C10orf71: variants seen among roughly 807,000 people sequenced by gnomAD.
The protein encoded by C10orf71 is chromosome 10 open reading frame 71, also known as cardiac-enriched FHL2-interacting protein.
For missense variants in C10orf71, 1,869 were observed against 1,804.5 expected (o/e 1.04, Z -0.65); for synonymous variants, 758 against 726.3 (o/e 1.04, Z -0.70).
intron 1 of C10orf71, among the ~76,000 whole-genome samples, chr10:49,315,440 T>C (rs752490813): frequency 2.6e-5 from 4 of 152,204 alleles, no homozygotes; most frequent in Non-Finnish European, 4.4e-5. Context: ...AATCTAACAC[T>C]GTGCTGCCAC....
At chr10:49,308,266 G>A (rs1313728789) in intron 1 of C10orf71, among the ~76,000 whole-genome samples, 1 of 152,240 alleles carries the variant, frequency 6.6e-6, no homozygotes, top group African/African-American at 2.4e-5. Context: ...ATGTAATGTG[G>A]TTGTAGAAGA....
intron 2 of C10orf71, 27 bp from the exon 3 acceptor site, chr10:49,322,375 C>A: frequency 1.4e-6 from 1 of 693,554 alleles, no homozygotes; most frequent in Non-Finnish European, 2.3e-6. Context: ...ATACTTTGTT[C>A]ACGCCCTGCA....
Position 49,325,784 on chromosome 10 carries a change from C to T in C10orf71, c.3239C>T (p.Ser1080Phe), listed in dbSNP as rs1849224703. The stretch of plus-strand genomic sequence containing the variant: ...GCCAGCAACATTTGGGAGGAGTCTT[C>T]CCAGGCCCCTGGAGGACCAGAGCTG... ...PAASNIWEES[S>F]QAPGGPELLP... Residue 1080 changes from serine to phenylalanine, a missense_variant, in exon 3 of 3, where the codon TCC becomes TTC. Transcript: ENST00000374144. 1 of 1,551,486 alleles carries T rather than the reference C, an allele frequency of 6.4e-7. No homozygotes were observed. Among genetic ancestry groups the T allele is most frequent in the Non-Finnish European group, 8.7e-7 (1 of 1,146,910 alleles).
Position 49,326,917 on chromosome 10 carries a change from AACAAGCAACACACACAC to A in C10orf71, c.*68_*84del. 1 of 1,474,136 alleles carries A rather than the reference AACAAGCAACACACACAC, an allele frequency of 6.8e-7. No homozygotes were observed. Among genetic ancestry groups the A allele is most frequent in the Admixed American group, 2.1e-5 (1 of 46,598 alleles). The allele number at this position is 1,474,136 out of a possible 1,614,324, so 91.3% of individuals were successfully genotyped here. A position where few individuals can be genotyped will look rare whatever the true frequency, so the allele number is the denominator to read the frequency against. On this transcript the variant is annotated 3_prime_UTR_variant, in exon 3 of 3. Coordinates refer to ENST00000374144, the MANE Select transcript of C10orf71 (RefSeq NM_001135196.2). ...AGGAGCTTACTTCCCCCTCCCCCAA[AACAAGCAACACACACAC>A]ACACACACACACACACACACACACA...
intron 1 of C10orf71, among the ~76,000 whole-genome samples, chr10:49,311,755 G>A (rs1848918158): frequency 6.6e-6 from 1 of 152,206 alleles, no homozygotes; most frequent in South Asian, 2.1e-4. Flanking sequence ...ATTACTTGAG[G>A]GATCTAGTCC....
rs190404462 is a variant in C10orf71, at chr10:49,303,961, A to G, written c.-248+4728A>G. 8.5e-5 allele frequency among the ~76,000 whole-genome samples: 13 copies of G among 152,322 alleles called. No individual in the cohort carries two copies. The East Asian group carries it at 2.5e-3, about 29-fold the overall frequency. The stretch of plus-strand genomic sequence containing the variant: ...CCTCCAGCAGAGACAGGAGAAGGCC[A>G]GGCACAGCTTCAGACCTATGTGGGA... On this transcript the variant is annotated intron_variant, in intron 1 of 2. Transcript: ENST00000374144.
At position 49,324,831 on chromosome 10, in the gene C10orf71, A is replaced by G; in HGVS notation, c.2286A>G (p.Ala762=). ...QREDRRKDVS[A]GDSQKDEKEN... ...AAGACAGGAGGAAGGATGTGAGTGC[A>G]GGTGACAGTCAGAAGGATGAGAAGG... Residue 762 remains alanine, a synonymous_variant, in exon 3 of 3, where the codon GCA becomes GCG. Coordinates refer to ENST00000374144, the MANE Select transcript of C10orf71 (RefSeq NM_001135196.2). 2 of 1,552,024 alleles carry G rather than the reference A, an allele frequency of 1.3e-6. No individual in the cohort carries two copies. The highest frequency in any genetic ancestry group is 3.3e-4 in the Middle Eastern group (2 of 5,994).
At chr10:49,319,738 A>ACG (rs1849063320) in intron 2 of C10orf71, among the ~76,000 whole-genome samples, 2 of 99,570 alleles carry the variant, frequency 2.0e-5, no homozygotes, top group African/African-American at 7.5e-5. Flanking sequence ...ATATATACAC[A>ACG]TACATATATG....
At chr10:49,314,864 A>T (rs1240419071) in intron 1 of C10orf71, among the ~76,000 whole-genome samples, 1 of 152,184 alleles carries the variant, frequency 6.6e-6, no homozygotes, top group Non-Finnish European at 1.5e-5. Context: ...CCAGGAAAAA[A>T]ATCAGAATAA....
At chr10:49,307,661 G>T (rs568588033) in intron 1 of C10orf71, among the ~76,000 whole-genome samples, 2 of 152,186 alleles carry the variant, frequency 1.3e-5, no homozygotes, top group Non-Finnish European at 2.9e-5. Flanking sequence ...ACTCTGCCTG[G>T]GATATCAGGG....
Position 49,322,482 on chromosome 10 carries a change from C to T in C10orf71, c.-64C>T. ...TTTGGGGAAGAGGGAAACACCTAAC[C>T]TTGACAGAATCATCACCAGAGACAC... On this transcript the variant is annotated 5_prime_UTR_variant, in exon 3 of 3. Coordinates refer to ENST00000374144, the MANE Select transcript of C10orf71 (RefSeq NM_001135196.2). 6.7e-7 allele frequency: 1 copy of T among 1,492,804 alleles called. No individual in the cohort carries two copies. Among genetic ancestry groups the T allele is most frequent in the Non-Finnish European group, 9.0e-7 (1 of 1,117,000 alleles). The allele number at this position is 1,492,804 out of a possible 1,614,324, so 92.5% of individuals were successfully genotyped here.
intron 2 of C10orf71, among the ~76,000 whole-genome samples, chr10:49,320,506 G>T (rs1354951534): frequency 6.6e-6 from 1 of 152,210 alleles, no homozygotes; most frequent in East Asian, 1.9e-4. Context: ...GCCTGGCACT[G>T]ACAGTCTAAT....
chr10:49,326,756 C>G lies in C10orf71; in HGVS notation c.4211C>G (p.Pro1404Arg). 1 of 1,551,330 alleles carries G rather than the reference C, an allele frequency of 6.4e-7. No individual in the cohort carries two copies. Among genetic ancestry groups the G allele is most frequent in the Non-Finnish European group, 8.7e-7 (1 of 1,147,004 alleles). Residue 1404 changes from proline to arginine, a missense_variant, in exon 3 of 3, where the codon CCT becomes CGT. Physicochemically the swap from Pro to Arg is moderately radical, Grantham distance 103. Transcript: ENST00000374144. Reference sequence around the variant, plus strand: ...TCTGCAGGCCAGCGCCCTCATGGTCCTCCCCAGAGCCCAGGAGAGGAGGGT... The same window carrying G: ...TCTGCAGGCCAGCGCCCTCATGGTCGTCCCCAGAGCCCAGGAGAGGAGGGT... ...PHSAGQRPHG[P>R]PQSPGEEGVE... is the part of the protein sequence containing the mutation.
Position 49,323,676 on chromosome 10 carries a change from C to T in C10orf71, c.1131C>T (p.Ala377=), listed in dbSNP as rs372639784. 118 of 1,613,410 alleles carry T rather than the reference C, an allele frequency of 7.3e-5. 2 individuals carry two copies. In the South Asian group the frequency reaches 1.2e-3, roughly 17 times the overall value. The change falls in exon 3 of 3, where the codon GCC becomes GCT. Residue 377 remains alanine, a synonymous_variant. Coordinates refer to ENST00000374144, the MANE Select transcript of C10orf71 (RefSeq NM_001135196.2). ...AACCTGATTCTCAAGAGAAGCCAGC[C>T]CAGCCCCCATGGAGGAAGCCAAAGA... ...SSQPDSQEKP[A]QPPWRKPKTG... is the part of the protein sequence containing the mutation.
chr10:49,307,468 G>A (rs1315645076), intron 1 of C10orf71, among the ~76,000 whole-genome samples: 2 of 152,242 alleles, frequency 1.3e-5, no homozygotes, highest in Non-Finnish European at 2.9e-5. Context: ...CCTCCATAAT[G>A]CTCCACCTCC....
In C10orf71 at chr10:49,326,165, G is replaced by GAA; in HGVS notation, c.3622_3623dup (p.Pro1209SerfsTer87). On this transcript the variant is annotated frameshift_variant, in exon 3 of 3. Transcript: ENST00000374144. LOFTEE classifies it low-confidence loss of function (END_TRUNC). ...GAGAAGCATGGCGAGTCACAGGAGGGAAAGCCCTGCCCGGAGGACTTGGAG... is the reference window on the plus strand; with the variant it reads ...GAGAAGCATGGCGAGTCACAGGAGGGAAAAAGCCCTGCCCGGAGGACTTGGAG... The GAA allele has an allele frequency of 1.3e-6, 2 of 1,551,648 alleles. No homozygotes were observed. Among genetic ancestry groups the GAA allele is most frequent in the Non-Finnish European group, 1.7e-6 (2 of 1,146,984 alleles).
At chr10:49,305,399 G>A (rs570837028) in intron 1 of C10orf71, among the ~76,000 whole-genome samples, 2 of 152,248 alleles carry the variant, frequency 1.3e-5, no homozygotes, top group East Asian at 1.9e-4. Context: ...CGCTACACAC[G>A]TTTCTCCTCT....
At chr10:49,308,511 C>G (rs375335983) in intron 1 of C10orf71, among the ~76,000 whole-genome samples, 4 of 152,178 alleles carry the variant, frequency 2.6e-5, no homozygotes, top group African/African-American at 9.7e-5. Flanking sequence ...GCCAAAATGG[C>G]CAGACTGGAT....
rs376654745 is a variant in C10orf71 at position 49,326,308 on chromosome 10, G to C, written c.3763G>C (p.Gly1255Arg). ...HSVSGFSEPV[G>R]RRPGGPQSLT... ...CGTGTCCGGCTTCTCGGAGCCTGTC[G>C]GGAGGCGGCCCGGGGGCCCCCAGTC... The change falls in exon 3 of 3, where the codon GGG (glycine) becomes CGG (arginine). Residue 1255 changes from glycine to arginine, a missense_variant. Transcript: ENST00000374144. The C allele has an allele frequency of 3.9e-4, 598 of 1,549,638 alleles. 12 individuals carry two copies. The South Asian group carries it at 6.6e-3, about 17-fold the overall frequency.
Sources: gnomAD v4.1 joint callset for allele counts (sites outside exome capture counted in the v4.1 genomes callset) on GRCh38, gnomAD v4.1.1 for gene constraint, MANE v1.5 for transcripts, NCBI Gene and HGNC (gene_info 2026-07-23, HGNC 2026-07-21) for gene names.